Variants in CYRIA observed in about 807,000 individuals in gnomAD.
CYRIA encodes the protein CYFIP-related Rac1 interactor A.
CYRIA carries 15 observed loss-of-function variants against 43.9 expected under a neutral mutation model. The observed-to-expected ratio is 0.34, with a 90% confidence interval of 0.23 to 0.53. CYRIA has a LOEUF of 0.53. Ranked by LOEUF, CYRIA falls within the 20% of genes least tolerant of loss-of-function variation. The pLI is 0.94. For missense variants in CYRIA, 236 were observed against 394.2 expected (o/e 0.60, Z 3.40); for synonymous variants, 117 against 136.0 (o/e 0.86, Z 0.97).
chr2:16,630,648 TCTC>T (rs1343829240), intron 1 of CYRIA, among the ~76,000 whole-genome samples: 1 of 152,062 alleles, frequency 6.6e-6, no homozygotes, highest in East Asian at 1.9e-4. Context: ...GTGGGTTCCT[TCTC>T]CTTGAGACTG....
chr2:16,634,931 A>G (rs1669447618), intron 1 of CYRIA, among the ~76,000 whole-genome samples: 1 of 152,234 alleles, frequency 6.6e-6, no homozygotes, highest in African/African-American at 2.4e-5. Flanking sequence ...GTTATTAAGC[A>G]TTTAGGAGCA....
chr2:16,629,716 G>T (rs929827955), intron 1 of CYRIA, among the ~76,000 whole-genome samples: 1 of 152,168 alleles, frequency 6.6e-6, no homozygotes, highest in African/African-American at 2.4e-5. Flanking sequence ...TTGTGTAGGG[G>T]CTTCTGCAAG....
intron 2 of CYRIA, among the ~76,000 whole-genome samples, chr2:16,610,573 T>G (rs892071292): frequency 8.5e-5 from 13 of 152,264 alleles, no homozygotes; most frequent in African/African-American, 3.1e-4. Context: ...CAGGGAGAAG[T>G]GTCCCTGATC....
rs992170369 is a variant in CYRIA, at chr2:16,617,570, T to C, written c.-11+6294A>G. ...GAGCTCTCAGCACAGGGCTGGTAGCTGCCTCATTAAGGCCTGCAGCCAGGA... is the reference window on the plus strand; with the variant it reads ...GAGCTCTCAGCACAGGGCTGGTAGCCGCCTCATTAAGGCCTGCAGCCAGGA... On this transcript the variant is annotated intron_variant, in intron 2 of 11. Coordinates refer to ENST00000381323, the MANE Select transcript of CYRIA (RefSeq NM_030797.4). Among the ~76,000 whole-genome samples the C allele has an allele frequency of 1.7e-4, 26 of 152,262 alleles. 1 individual carries two copies. The highest frequency in any genetic ancestry group is 6.0e-4 in the African/African-American group (25 of 41,478).
At chr2:16,620,483 C>T (rs1668956594) in intron 2 of CYRIA, among the ~76,000 whole-genome samples, 2 of 152,166 alleles carry the variant, frequency 1.3e-5, no homozygotes. Context: ...TCTGTGTGAA[C>T]TTATTTTACA....
intron 1 of CYRIA, among the ~76,000 whole-genome samples, chr2:16,636,600 C>T (rs1254075708): frequency 6.6e-6 from 1 of 152,124 alleles, no homozygotes; most frequent in Non-Finnish European, 1.5e-5. Flanking sequence ...TGCTGAGTCA[C>T]CTATCTATTC....
intron 3 of CYRIA, among the ~76,000 whole-genome samples, chr2:16,579,419 G>GCACACACACACACA (rs35850813): frequency 5.0e-4 from 74 of 147,434 alleles, no homozygotes; most frequent in African/African-American, 1.8e-3. Flanking sequence ...ACATGCACAT[G>GCACACACACACACA]CACACACACA....
At chr2:16,573,221 G>T (rs1667206128) in intron 3 of CYRIA, among the ~76,000 whole-genome samples, 1 of 152,216 alleles carries the variant, frequency 6.6e-6, no homozygotes, top group African/African-American at 2.4e-5. Context: ...ATAAGCATAA[G>T]ATGCCATCTA....
intron 2 of CYRIA, among the ~76,000 whole-genome samples, chr2:16,609,596 T>G (rs927638569): frequency 3.9e-5 from 6 of 152,242 alleles, no homozygotes; most frequent in South Asian, 4.1e-4. Flanking sequence ...CTAACAGTTT[T>G]GTCCAAAATA....
intron 1 of CYRIA, among the ~76,000 whole-genome samples, chr2:16,628,792 A>G (rs1669238358): frequency 6.6e-6 from 1 of 152,162 alleles, no homozygotes; most frequent in African/African-American, 2.4e-5. Flanking sequence ...TTGCTTCCCA[A>G]TCCACACAAA....
chr2:16,645,678 A>G (rs1669799793), intron 1 of CYRIA, among the ~76,000 whole-genome samples: 1 of 152,232 alleles, frequency 6.6e-6, no homozygotes, highest in Admixed American at 6.5e-5. Flanking sequence ...AATGCTTTGG[A>G]AGGTGAGACA....
At chr2:16,654,953 C>T (rs774223425) in intron 1 of CYRIA, among the ~76,000 whole-genome samples, 4 of 152,172 alleles carry the variant, frequency 2.6e-5, no homozygotes, top group African/African-American at 4.8e-5. Flanking sequence ...TTTCTATGAG[C>T]TACTCAATCT....
chr2:16,635,286 C>G (rs765406267), intron 1 of CYRIA, among the ~76,000 whole-genome samples: 1 of 152,152 alleles, frequency 6.6e-6, no homozygotes, highest in Non-Finnish European at 1.5e-5. Flanking sequence ...TTGAGAGATC[C>G]TGATGGGGAG....
Position 16,561,522 on chromosome 2 carries a change from C to G in CYRIA, c.447G>C (p.Pro149=). 6.2e-7 allele frequency: 1 copy of G among 1,613,580 alleles called. No individual in the cohort carries two copies. Among genetic ancestry groups the G allele is most frequent in the South Asian group, 1.1e-5 (1 of 91,064 alleles). The change falls in exon 7 of 12, where the codon CCG becomes CCC. Residue 149 remains proline (P), a synonymous_variant. Transcript: ENST00000381323. ...AGTAGCTGAAGTCATTCTGAATAGC[C>G]GGGTTCCTCATCTGAAATTCAGAGG... ...LRFDELKMRN[P]AIQNDFSYYR...
At chr2:16,574,189 A>G (rs1470132667) in intron 3 of CYRIA, among the ~76,000 whole-genome samples, 1 of 152,206 alleles carries the variant, frequency 6.6e-6, no homozygotes, top group Non-Finnish European at 1.5e-5. Flanking sequence ...GGCTGGCAGC[A>G]TTTTGCCCCT....
At chr2:16,615,351 C>T (rs1362472329) in intron 2 of CYRIA, among the ~76,000 whole-genome samples, 4 of 152,216 alleles carry the variant, frequency 2.6e-5, no homozygotes, top group South Asian at 2.1e-4. Context: ...TCCCGAAATC[C>T]GGAGTTCCTC....
chr2:16,603,513 G>C (rs1450269439), intron 2 of CYRIA, among the ~76,000 whole-genome samples: 1 of 152,104 alleles, frequency 6.6e-6, no homozygotes, highest in African/African-American at 2.4e-5. Flanking sequence ...TGAAGTAGGA[G>C]GGTGAAGATC....
At chr2:16,593,714 GTGTGT>G (rs1204688708) in intron 2 of CYRIA, among the ~76,000 whole-genome samples, 2 of 83,748 alleles carry the variant, frequency 2.4e-5, no homozygotes, top group African/African-American at 5.0e-5. Context: ...TTTTGTGTGT[GTGTGT>G]TTTTTTTTTT....
intron 1 of CYRIA, among the ~76,000 whole-genome samples, chr2:16,652,490 A>C (rs953429470): frequency 6.6e-6 from 1 of 152,184 alleles, no homozygotes; most frequent in Non-Finnish European, 1.5e-5. Flanking sequence ...CATTTGAAGA[A>C]ATTCAAGCTC....
Sources: gnomAD v4.1 joint callset for allele counts (sites outside exome capture counted in the v4.1 genomes callset) on GRCh38, gnomAD v4.1.1 for gene constraint, MANE v1.5 for transcripts, NCBI Gene and HGNC (gene_info 2026-07-23, HGNC 2026-07-21) for gene names.